GALNT13: variants seen among roughly 807,000 people sequenced by gnomAD.
GALNT13 encodes the protein UDP-GalNAc:polypeptide N-acetylgalactosaminyltransferase 13.
A neutral mutation model predicts 64.2 loss-of-function variants in GALNT13; 28 were observed. That is an observed-to-expected ratio of 0.44 (90% CI 0.32 to 0.60). The LOEUF is 0.60. Ranked by LOEUF, GALNT13 falls within the 20% of genes least tolerant of loss-of-function variation. The pLI is 0.05. For missense variants in GALNT13, 577 were observed against 669.8 expected (o/e 0.86, Z 1.53); for synonymous variants, 214 against 224.6 (o/e 0.95, Z 0.42).
At chr2:153,917,916 GT>G (rs34793096) in intron 2 of GALNT13, among the ~76,000 whole-genome samples, 102,949 of 148,384 alleles carry the variant, frequency 0.69, 35,820 homozygotes, top group East Asian at 0.82. Flanking sequence ...CATGACCACA[GT>G]TTTTTTTTTT....
intron 9 of GALNT13, among the ~76,000 whole-genome samples, chr2:154,376,665 G>A (rs1698013136): frequency 6.6e-6 from 1 of 152,042 alleles, no homozygotes; most frequent in African/African-American, 2.4e-5. Flanking sequence ...GGTTAATAGT[G>A]TCAACTTTTA....
At chr2:153,349,618 A>T in the GALNT13 span, among the ~76,000 whole-genome samples, 2 of 152,176 alleles carry the variant, frequency 1.3e-5, no homozygotes, top group African/African-American at 4.8e-5. Context: ...CTGAGAAAGC[A>T]CTCAGAGCTC....
intron 11 of GALNT13, among the ~76,000 whole-genome samples, chr2:154,434,951 T>C (rs1348333089): frequency 6.6e-6 from 1 of 152,324 alleles, no homozygotes; most frequent in East Asian, 1.9e-4. Flanking sequence ...AAAAAGGTAG[T>C]GTTCAATTAA....
chr2:154,064,826 A>T (rs1198129516), intron 3 of GALNT13, among the ~76,000 whole-genome samples: 1 of 152,100 alleles, frequency 6.6e-6, no homozygotes, highest in Non-Finnish European at 1.5e-5. Context: ...ATGAGGAAAG[A>T]TTCCTTCTGC....
the GALNT13 span, among the ~76,000 whole-genome samples, chr2:153,646,872 A>G: frequency 6.6e-6 from 1 of 152,144 alleles, no homozygotes; most frequent in Admixed American, 6.6e-5. Context: ...ATTGTTGGAC[A>G]TTTGGGTTGG....
At chr2:153,864,969 T>C in the GALNT13 span, among the ~76,000 whole-genome samples, 1 of 147,116 alleles carries the variant, frequency 6.8e-6, no homozygotes, top group Admixed American at 6.8e-5. Context: ...GAGATATAGA[T>C]CAATGGAACA....
chr2:153,346,578 A>G, the GALNT13 span, among the ~76,000 whole-genome samples: 81 of 152,300 alleles, frequency 5.3e-4, no homozygotes, highest in African/African-American at 1.9e-3. Flanking sequence ...TTACCTGAAA[A>G]CATGCATTTT....
At chr2:154,209,758 T>C (rs1303813364) in intron 4 of GALNT13, among the ~76,000 whole-genome samples, 4 of 152,170 alleles carry the variant, frequency 2.6e-5, no homozygotes, top group Non-Finnish European at 4.4e-5. Context: ...ATGTATGTTT[T>C]TGTGAGGTAA....
chr2:154,088,460 A>C (rs932559452), intron 3 of GALNT13, among the ~76,000 whole-genome samples: 1 of 152,036 alleles, frequency 6.6e-6, no homozygotes, highest in African/African-American at 2.4e-5. Flanking sequence ...TTCTTTATTT[A>C]TATATTTAGA....
chr2:153,346,038 G>A, the GALNT13 span, among the ~76,000 whole-genome samples: 1 of 151,874 alleles, frequency 6.6e-6, no homozygotes, highest in Non-Finnish European at 1.5e-5. Context: ...GCAGTGGCGC[G>A]ATCTCGGCTC....
In GALNT13 at chr2:154,111,261, C is replaced by G. The variant is rs188174463; in HGVS notation, c.143-29076C>G. Among the ~76,000 whole-genome samples, 25 of 152,284 alleles carry G rather than the reference C, an allele frequency of 1.6e-4. No individual in the cohort carries two copies. In the East Asian group the frequency reaches 4.8e-3, roughly 29 times the overall value. On this transcript the variant is annotated intron_variant, in intron 3 of 12. Transcript: ENST00000392825. ...ACTTTCATTCTTGAAGGGTCTGGGA[C>G]ATTTGTAGTCCTGCCTGGATTGGGC... is the stretch of plus-strand genomic sequence containing the variant.
intron 2 of GALNT13, among the ~76,000 whole-genome samples, chr2:153,936,845 T>C (rs1301611095): frequency 1.3e-5 from 2 of 151,950 alleles, no homozygotes; most frequent in Non-Finnish European, 2.9e-5. Context: ...CTCAGCCTCC[T>C]GAGTAGCTGG....
chr2:153,565,122 C>G, the GALNT13 span, among the ~76,000 whole-genome samples: 1 of 152,130 alleles, frequency 6.6e-6, no homozygotes, highest in Non-Finnish European at 1.5e-5. Flanking sequence ...GCCTTGACTA[C>G]TGACCTACAG....
intron 3 of GALNT13, among the ~76,000 whole-genome samples, chr2:153,979,600 G>C (rs1694318200): frequency 6.6e-6 from 1 of 152,114 alleles, no homozygotes; most frequent in South Asian, 2.1e-4. Flanking sequence ...GAAGAGTTGA[G>C]CTCTTTATTC....
At chr2:154,128,776 A>G (rs538739848) in intron 3 of GALNT13, among the ~76,000 whole-genome samples, 4 of 152,266 alleles carry the variant, frequency 2.6e-5, no homozygotes, top group East Asian at 1.9e-4. Flanking sequence ...TCAAATTACA[A>G]TGCCTCTTAC....
intron 3 of GALNT13, among the ~76,000 whole-genome samples, chr2:154,108,418 T>G (rs931283649): frequency 3.3e-5 from 5 of 152,096 alleles, no homozygotes; most frequent in Non-Finnish European, 7.4e-5. Flanking sequence ...TTGTGAGATG[T>G]CAATTCAACT....
chr2:153,113,128 C>T, the GALNT13 span, among the ~76,000 whole-genome samples: 11 of 152,004 alleles, frequency 7.2e-5, no homozygotes, highest in Non-Finnish European at 1.5e-4. Flanking sequence ...TACATAAATA[C>T]GTCAAGAGAT....
At chr2:153,374,471 A>G in the GALNT13 span, among the ~76,000 whole-genome samples, 1 of 152,042 alleles carries the variant, frequency 6.6e-6, no homozygotes, top group Admixed American at 6.6e-5. Context: ...TATATTTTGT[A>G]TATTGAACTT....
chr2:153,736,058 A>C, the GALNT13 span, among the ~76,000 whole-genome samples: 1 of 152,206 alleles, frequency 6.6e-6, no homozygotes, highest in South Asian at 2.1e-4. Flanking sequence ...AGCATCAGAT[A>C]ATGTTTTTTA....
Sources: allele counts gnomAD v4.1 joint callset (sites outside exome capture counted in the v4.1 genomes callset), GRCh38; gene constraint gnomAD v4.1.1; transcripts MANE v1.5; gene names NCBI Gene and HGNC (gene_info 2026-07-23, HGNC 2026-07-21).